The following ARHGAP32 variants were observed in gnomAD, a reference collection of about 807,000 sequenced individuals.
ARHGAP32 encodes Rho GTPase activating protein 32, also known as rho GTPase-activating protein 32.
In ARHGAP32, 51 loss-of-function variants were observed where a neutral mutation model predicts 186.5. The observed-to-expected ratio is 0.27, with a 90% CI of 0.22 to 0.35. ARHGAP32 has a LOEUF of 0.35. ARHGAP32 is among the 10% of genes least tolerant of loss of function. ARHGAP32 has a pLI of 1.00. For synonymous variants in ARHGAP32, 950 were observed against 964.3 expected (o/e 0.99, Z 0.27); for missense variants, 2,186 against 2,623.5 (o/e 0.83, Z 3.64).
chr11:129,137,229 TA>T (rs952106895), intron 2 of ARHGAP32, among the ~76,000 whole-genome samples: 3 of 151,494 alleles, frequency 2.0e-5, no homozygotes, highest in South Asian at 2.1e-4. Flanking sequence ...TTCTTACACT[TA>T]AAAAAAATGG....
At chr11:129,163,381 A>C (rs896576753) in intron 2 of ARHGAP32, among the ~76,000 whole-genome samples, 6 of 152,170 alleles carry the variant, frequency 3.9e-5, no homozygotes, top group African/African-American at 1.4e-4. Flanking sequence ...TAATAAACTA[A>C]ATGAGTATCT....
intron 2 of ARHGAP32, among the ~76,000 whole-genome samples, chr11:129,158,983 G>A (rs1313372790): frequency 1.3e-5 from 2 of 152,298 alleles, no homozygotes; most frequent in African/African-American, 2.4e-5. Flanking sequence ...AATTAAGGCA[G>A]AAATAAATAA....
At position 128,969,457 on chromosome 11, in the gene ARHGAP32, T is replaced by C; in HGVS notation, c.5756A>G (p.Asp1919Gly). ...GTCTGGAATCCCTTTGGACCCATAA[T>C]CTAACTGGCCAGCTCCCTGGGGATA... ...PPYPQGAGQL[D>G]YGSKGIPDTS... Residue 1919 changes from aspartate (D) to glycine (G), a missense_variant, in exon 23 of 23, where the codon GAT becomes GGT. Physicochemically the swap from Asp to Gly is moderately conservative, Grantham distance 94. Coordinates refer to ENST00000682385, the MANE Select transcript of ARHGAP32 (RefSeq NM_001378024.1). This position sits in a 1 kb window ranked among gnomAD's most constrained non-coding sequence, Gnocchi z 4.8. 6.2e-7 allele frequency: 1 copy of C among 1,614,192 alleles called. No homozygotes were observed. The highest frequency in any genetic ancestry group is 8.5e-7 in the Non-Finnish European group (1 of 1,180,036).
intron 1 of ARHGAP32, among the ~76,000 whole-genome samples, chr11:129,230,909 C>T (rs1421868289): frequency 5.3e-5 from 8 of 152,144 alleles, no homozygotes; most frequent in Non-Finnish European, 5.9e-5. Flanking sequence ...CCAAGGTGGG[C>T]GGATCACTTG....
At chr11:129,202,620 A>G (rs955078456) in intron 1 of ARHGAP32, among the ~76,000 whole-genome samples, 10 of 152,208 alleles carry the variant, frequency 6.6e-5, no homozygotes, top group Non-Finnish European at 1.0e-4. Context: ...ATAAATTTAT[A>G]TATCAGGAAT....
At chr11:129,030,053 A>G (rs1939047079) in intron 11 of ARHGAP32, among the ~76,000 whole-genome samples, 1 of 152,176 alleles carries the variant, frequency 6.6e-6, no homozygotes, top group African/African-American at 2.4e-5. Context: ...AAAGCTTCCC[A>G]AGGCACTTTA....
intron 2 of ARHGAP32, among the ~76,000 whole-genome samples, chr11:129,158,064 T>C (rs1324168659): frequency 6.6e-6 from 1 of 151,978 alleles, no homozygotes; most frequent in Non-Finnish European, 1.5e-5. Context: ...TTACAAGAAC[T>C]CCTTAAGGAA....
intron 1 of ARHGAP32, among the ~76,000 whole-genome samples, chr11:129,199,642 G>A (rs965828865): frequency 1.3e-5 from 2 of 152,246 alleles, no homozygotes; most frequent in African/African-American, 4.8e-5. Flanking sequence ...AGATGTCCAG[G>A]CAGAAATCTG....
At chr11:129,069,772 C>T (rs1205595782) in intron 6 of ARHGAP32, among the ~76,000 whole-genome samples, 2 of 151,926 alleles carry the variant, frequency 1.3e-5, no homozygotes, top group Non-Finnish European at 2.9e-5. Context: ...ACAATTATTC[C>T]ATGGTATTAA....
At chr11:129,262,753 C>T (rs756994542) in intron 1 of ARHGAP32, among the ~76,000 whole-genome samples, 1 of 143,012 alleles carries the variant, frequency 7.0e-6, no homozygotes, top group African/African-American at 2.7e-5. Flanking sequence ...GGCAGAACTA[C>T]AAAAATCCTG....
At chr11:129,248,808 G>T (rs180730960) in intron 1 of ARHGAP32, among the ~76,000 whole-genome samples, 1 of 152,120 alleles carries the variant, frequency 6.6e-6, no homozygotes, top group Admixed American at 6.5e-5. Context: ...CTATGACCAT[G>T]TGTTTTTTTC....
chr11:129,147,905 C>G (rs937044145), intron 2 of ARHGAP32, among the ~76,000 whole-genome samples: 3 of 152,132 alleles, frequency 2.0e-5, no homozygotes, highest in African/African-American at 7.2e-5. Flanking sequence ...AAAGAGCTCA[C>G]AACCTAGTAG....
intron 2 of ARHGAP32, among the ~76,000 whole-genome samples, chr11:129,147,011 G>A (rs1345989341): frequency 6.6e-6 from 1 of 152,002 alleles, no homozygotes; most frequent in Admixed American, 6.6e-5. Flanking sequence ...AAATCAGTAT[G>A]ATTTTTGAGA....
chr11:129,191,219 A>T (rs1192544983), intron 1 of ARHGAP32, among the ~76,000 whole-genome samples: 1 of 152,146 alleles, frequency 6.6e-6, no homozygotes, highest in Non-Finnish European at 1.5e-5. Flanking sequence ...CTTATAAAAG[A>T]TGTTTAATTG....
intron 5 of ARHGAP32, among the ~76,000 whole-genome samples, chr11:129,104,585 G>A (rs1941997731): frequency 6.7e-6 from 1 of 150,242 alleles, no homozygotes; most frequent in Non-Finnish European, 1.5e-5. Context: ...ATTAAGACTA[G>A]AAATAAAATT....
At position 128,970,983 on chromosome 11, in the gene ARHGAP32, G is replaced by T; in HGVS notation, c.4230C>A (p.His1410Gln). ...VRDGARVPLL[H>Q]LRAESVPAHP... is the part of the protein sequence containing the mutation. Reference sequence around the variant, plus strand: ...GCGCAGGGACAGACTCGGCGCGCAGGTGCAGCAGCGGGACCCGGGCACCGT... The same window carrying T: ...GCGCAGGGACAGACTCGGCGCGCAGTTGCAGCAGCGGGACCCGGGCACCGT... Residue 1410 changes from histidine (H) to glutamine (Q), a missense_variant, in exon 23 of 23, where the codon CAC becomes CAA. Transcript: ENST00000682385. The surrounding 1 kb of genome is among the most constrained non-coding windows in gnomAD (Gnocchi z 5.8). 14 of 1,613,810 alleles carry T rather than the reference G, an allele frequency of 8.7e-6. No individual in the cohort carries two copies. The highest frequency in any genetic ancestry group is 1.2e-5 in the Non-Finnish European group (14 of 1,180,022).
Position 129,149,807 on chromosome 11 carries a change from G to GA in ARHGAP32, c.225+14511dup, listed in dbSNP as rs1051766875. Among the ~76,000 whole-genome samples the GA allele has an allele frequency of 3.2e-3, 461 of 145,612 alleles. 1 individual carries two copies. The highest frequency in any genetic ancestry group is 0.011 in the African/African-American group (442 of 39,824). ...AGAAGAACTCTCTGATTTGCCAGAAGAAAAAAAAAATATCAGAAGGTTGAT... is the reference window on the plus strand; with the variant it reads ...AGAAGAACTCTCTGATTTGCCAGAAGAAAAAAAAAAATATCAGAAGGTTGAT... On this transcript the variant is annotated intron_variant, in intron 2 of 22. Transcript: ENST00000682385.
chr11:128,984,412 A>G (rs1403704608), intron 15 of ARHGAP32, among the ~76,000 whole-genome samples: 2 of 152,044 alleles, frequency 1.3e-5, no homozygotes, highest in African/African-American at 2.4e-5. Context: ...CCATACCACC[A>G]TATATGTAGA....
chr11:129,195,127 C>T (rs986314066), upstream of ARHGAP32, among the ~76,000 whole-genome samples: 1 of 151,960 alleles, frequency 6.6e-6, no homozygotes. Flanking sequence ...TGCCACGACA[C>T]CTGCTAATTT....
Sources: allele counts gnomAD v4.1 joint callset (sites outside exome capture counted in the v4.1 genomes callset), GRCh38; gene constraint gnomAD v4.1.1; non-coding constraint Gnocchi (gnomAD v3.1); transcripts MANE v1.5; gene names NCBI Gene and HGNC (gene_info 2026-07-23, HGNC 2026-07-21).